PIP4K2B: variants seen among roughly 807,000 people sequenced by gnomAD.
PIP4K2B encodes the protein phosphatidylinositol-5-phosphate 4-kinase type 2 beta, also known as phosphatidylinositol 5-phosphate 4-kinase type-2 beta.
A neutral mutation model predicts 42.0 loss-of-function variants in PIP4K2B; 3 were observed. The ratio of observed to expected loss-of-function variants is 0.07; its 90% CI spans 0.03 to 0.18. The LOEUF (loss-of-function observed/expected upper bound fraction) is 0.18. Among genes scored for constraint, PIP4K2B ranks in the 10% least tolerant of loss-of-function variants. The pLI is 1.00. For missense variants in PIP4K2B, 332 were observed against 562.3 expected (o/e 0.59, Z 4.14); for synonymous variants, 204 against 210.1 (o/e 0.97, Z 0.25).
In PIP4K2B at chr17:38,771,175, G is replaced by A. The variant is rs1383976705; in HGVS notation, c.905C>T (p.Ala302Val). The A allele has an allele frequency of 6.2e-7, 1 of 1,613,994 alleles. No homozygotes were observed. Among genetic ancestry groups the A allele is most frequent in the South Asian group, 1.1e-5 (1 of 91,084 alleles). Reference sequence around the variant, plus strand: ...ATCATTCTCACACTCCTCGTCCTCTGCCCGCTCCTCCACCTCCATCTCCTC... The same window carrying A: ...ATCATTCTCACACTCCTCGTCCTCTACCCGCTCCTCCACCTCCATCTCCTC... Reference protein sequence around the residue: ...EQEEMEVEERAEDEECENDGV... With the variant: ...EQEEMEVEERVEDEECENDGV... The change falls in exon 8 of 10, where the codon GCA (alanine) becomes GTA (valine). Residue 302 changes from alanine (A) to valine (V), a missense_variant. This residue lies in a region of PIP4K2B where 15 missense variants were observed against 45.2 expected (regional missense o/e 0.33). Transcript: ENST00000619039.
rs1290896078 is a variant in PIP4K2B, at chr17:38,768,127, A to G, written c.*1564T>C. 2 of 152,278 alleles carry G rather than the reference A, an allele frequency of 1.3e-5. No individual in the cohort carries two copies. The highest frequency in any genetic ancestry group is 4.8e-5 in the African/African-American group (2 of 41,474). 9.4% of individuals were successfully genotyped at this position (152,278 alleles called of 1,614,324 possible). A position where few individuals can be genotyped will look rare whatever the true frequency, so the allele number is the denominator to read the frequency against. On this transcript the variant is annotated 3_prime_UTR_variant, in exon 10 of 10. Coordinates refer to ENST00000619039, the MANE Select transcript of PIP4K2B (RefSeq NM_003559.5). ...CAATCTATTCATTCAAAATGGTTTC[A>G]CAAGCGATCTTCACATCTTTGGGGT...
rs970004044 is a variant in PIP4K2B, at chr17:38,799,047, G to A, written c.159+219C>T. Among the ~76,000 whole-genome samples the A allele has an allele frequency of 4.6e-5, 7 of 151,960 alleles. No individual in the cohort carries two copies. Among genetic ancestry groups the A allele is most frequent in the Non-Finnish European group, 7.4e-5 (5 of 67,966 alleles). On this transcript the variant is annotated intron_variant, in intron 1 of 9. Transcript: ENST00000619039. The surrounding 1 kb of genome is among the most constrained non-coding windows in gnomAD (Gnocchi z 4.4). ...GAAGCCAGAAGGGCTGGAGGGAAGG[G>A]GAGGTGGCGACGGCAGACCACAGAG...
At chr17:38,798,806 C>T (rs1910787883) in intron 1 of PIP4K2B, among the ~76,000 whole-genome samples, 1 of 152,166 alleles carries the variant, frequency 6.6e-6, no homozygotes, top group South Asian at 2.1e-4. Flanking sequence ...ATTTGAGCAG[C>T]CACAACAACC....
chr17:38,783,195 CAAAA>C (rs35913511), intron 3 of PIP4K2B, among the ~76,000 whole-genome samples: 6 of 55,922 alleles, frequency 1.1e-4, no homozygotes, highest in African/African-American at 5.4e-4. Context: ...AACTCCATCT[CAAAA>C]AAAAAAAAAA....
chr17:38,788,945 CAAA>C (rs35436430), intron 1 of PIP4K2B, among the ~76,000 whole-genome samples: 1 of 133,972 alleles, frequency 7.5e-6, no homozygotes, highest in African/African-American at 2.7e-5. Flanking sequence ...GACTCTGTCT[CAAA>C]AAAAAAAAAA....
intron 7 of PIP4K2B, among the ~76,000 whole-genome samples, chr17:38,775,410 C>T (rs990739010): frequency 1.3e-4 from 20 of 152,294 alleles, no homozygotes; most frequent in African/African-American, 4.3e-4. Flanking sequence ...TGTCACCACA[C>T]CCAGCTAGTT....
At chr17:38,777,899 A>C (rs545162605) in intron 6 of PIP4K2B, 99 bp from the exon 7 acceptor site, 27 of 725,330 alleles carry the variant, frequency 3.7e-5, no homozygotes, top group African/African-American at 2.8e-4. Flanking sequence ...AAGGGGAAGG[A>C]GGGGTTGTCA....
In PIP4K2B at chr17:38,799,221, G is replaced by A. The variant is rs377607905; in HGVS notation, c.159+45C>T. ...GGGCCCAGGGCTGCAGGGGGCGTGG[G>A]AGCGCGCGGGGCCGCGCTCAGAGGG... is the stretch of plus-strand genomic sequence containing the variant. On this transcript the variant is annotated intron_variant, in intron 1 of 9. Coordinates refer to ENST00000619039, the MANE Select transcript of PIP4K2B (RefSeq NM_003559.5). This position sits in a 1 kb window ranked among gnomAD's most constrained non-coding sequence, Gnocchi z 4.4. 8 of 1,536,048 alleles carry A rather than the reference G, an allele frequency of 5.2e-6. No individual in the cohort carries two copies. Among genetic ancestry groups the A allele is most frequent in the Non-Finnish European group, 7.0e-6 (8 of 1,147,638 alleles).
At chr17:38,778,240 G>T in intron 6 of PIP4K2B, 94 bp downstream of exon 6, 1 of 1,083,002 alleles carries the variant, frequency 9.2e-7, no homozygotes. Context: ...CTGGGAGCTG[G>T]GCTAGGGGCT....
At position 38,799,454 on chromosome 17, in the gene PIP4K2B, A is replaced by AG. The variant is rs1171394764; in HGVS notation, c.-31dup. On this transcript the variant is annotated 5_prime_UTR_variant, in exon 1 of 10. Coordinates refer to ENST00000619039, the MANE Select transcript of PIP4K2B (RefSeq NM_003559.5). This position sits in a 1 kb window ranked among gnomAD's most constrained non-coding sequence, Gnocchi z 4.4. ...GGGGCGGCGGCGGCGGCGGCGAAAG[A>AG]GGGGGGCGGCGGAGACAGCGCACAA... 8 of 1,541,814 alleles carry AG rather than the reference A, an allele frequency of 5.2e-6. No individual in the cohort carries two copies. The highest frequency in any genetic ancestry group is 1.4e-5 in the African/African-American group (1 of 71,582).
intron 1 of PIP4K2B, among the ~76,000 whole-genome samples, chr17:38,790,395 T>C (rs766232276): frequency 6.6e-6 from 1 of 151,722 alleles, no homozygotes; most frequent in Non-Finnish European, 1.5e-5. Context: ...AGACAAAGAG[T>C]TCAGGGCTCG....
Position 38,799,163 on chromosome 17 carries a change from T to C in PIP4K2B, c.159+103A>G. On this transcript the variant is annotated intron_variant, in intron 1 of 9. Coordinates refer to ENST00000619039, the MANE Select transcript of PIP4K2B (RefSeq NM_003559.5). This position sits in a 1 kb window ranked among gnomAD's most constrained non-coding sequence, Gnocchi z 4.4. ...GGCGTGCAAGTGGCTTGGCGAGGGG[T>C]GGCAGGCGTCACCGGCAGGGCCTGC... is the stretch of plus-strand genomic sequence containing the variant. 8.2e-7 allele frequency: 1 copy of C among 1,218,464 alleles called. No individual in the cohort carries two copies. The highest frequency in any genetic ancestry group is 1.1e-6 in the Non-Finnish European group (1 of 925,702). 75.5% of individuals were successfully genotyped at this position (1,218,464 alleles called of 1,614,324 possible).
chr17:38,787,107 C>T (rs373730417), intron 1 of PIP4K2B, among the ~76,000 whole-genome samples, 187 bp from the exon 2 acceptor site: 1 of 152,282 alleles, frequency 6.6e-6, no homozygotes, highest in South Asian at 2.1e-4. Flanking sequence ...ATGACAATGG[C>T]TCATTGCAGC....
intron 1 of PIP4K2B, among the ~76,000 whole-genome samples, chr17:38,795,627 T>C (rs572299171): frequency 3.9e-5 from 6 of 152,040 alleles, no homozygotes; most frequent in Non-Finnish European, 5.9e-5. Context: ...GGCAGGCACC[T>C]GTAATCCGAG....
In PIP4K2B at chr17:38,769,059, G is replaced by A. The variant is rs1254862714; in HGVS notation, c.*632C>T. ...ATTCCAGACAGGATGGAGGAATAAT[G>A]CAACAGTTTTCACTTGAATCCAAGG... On this transcript the variant is annotated 3_prime_UTR_variant, in exon 10 of 10. Transcript: ENST00000619039. 6.5e-6 allele frequency: 1 copy of A among 152,734 alleles called. No homozygotes were observed. Among genetic ancestry groups the A allele is most frequent in the Non-Finnish European group, 1.5e-5 (1 of 68,238 alleles). The allele number at this position is 152,734 out of a possible 1,614,324, so 9.5% of individuals were successfully genotyped here. A position where few individuals can be genotyped will look rare whatever the true frequency, so the allele number is the denominator to read the frequency against.
In PIP4K2B at chr17:38,771,105, G is replaced by C; in HGVS notation, c.975C>G (p.Asp325Glu). Residue 325 changes from aspartate (D) to glutamate (E), a missense_variant, in exon 8 of 10, where the codon GAC becomes GAG. Physicochemically the swap from Asp to Glu is conservative, Grantham distance 45. This residue lies in a region of PIP4K2B where 63 missense variants were observed against 71.6 expected (regional missense o/e 0.88). Coordinates refer to ENST00000619039, the MANE Select transcript of PIP4K2B (RefSeq NM_003559.5). ...NLLCSYGTPP[D>E]SPGNLLSFPR... ...GAAAGCTGAGGAGGTTGCCAGGGCT[G>C]TCCGGAGGTGTGCCATAGGAGCAGA... 6.2e-7 allele frequency: 1 copy of C among 1,614,156 alleles called. No homozygotes were observed. The highest frequency in any genetic ancestry group is 8.5e-7 in the Non-Finnish European group (1 of 1,180,016).
intron 3 of PIP4K2B, among the ~76,000 whole-genome samples, chr17:38,781,911 C>G (rs1416922417): frequency 6.6e-6 from 1 of 151,972 alleles, no homozygotes; most frequent in Non-Finnish European, 1.5e-5. Context: ...CTCCTGGGCT[C>G]AAGGGATCCT....
intron 1 of PIP4K2B, among the ~76,000 whole-genome samples, chr17:38,788,659 C>A (rs771545068): frequency 6.6e-6 from 1 of 151,336 alleles, no homozygotes; most frequent in Non-Finnish European, 1.5e-5. Context: ...GAGTTCTATA[C>A]CACCCTGGGC....
At chr17:38,785,539 C>T (rs1909960243) in intron 2 of PIP4K2B, among the ~76,000 whole-genome samples, 3 of 151,994 alleles carry the variant, frequency 2.0e-5, no homozygotes, top group Admixed American at 6.6e-5. Context: ...ATTAGCCGGG[C>T]GTGGTGGTGG....
Sources: allele counts gnomAD v4.1 joint callset (sites outside exome capture counted in the v4.1 genomes callset), GRCh38; gene constraint gnomAD v4.1.1; regional missense constraint gnomAD v4.1.1; non-coding constraint Gnocchi (gnomAD v3.1); transcripts MANE v1.5; gene names NCBI Gene and HGNC (gene_info 2026-07-23, HGNC 2026-07-21).